Variants in TMEM132D observed in about 807,000 individuals in gnomAD.
TMEM132D encodes mature OL transmembrane protein.
A neutral mutation model predicts 62.3 loss-of-function variants in TMEM132D; 21 were observed. That is an observed-to-expected ratio of 0.34 (90% CI 0.24 to 0.49). The LOEUF (loss-of-function observed/expected upper bound fraction) is 0.49. TMEM132D is among the 20% of genes least tolerant of loss of function. The pLI, the probability that TMEM132D is intolerant of heterozygous loss-of-function variation, is 0.99. For missense variants in TMEM132D, 1,346 were observed against 1,402.8 expected (o/e 0.96, Z 0.65); for synonymous variants, 621 against 575.6 (o/e 1.08, Z -1.13).
chr12:129,232,035 T>C (rs555202670), intron 4 of TMEM132D, among the ~76,000 whole-genome samples: 3 of 152,308 alleles, frequency 2.0e-5, no homozygotes, highest in Non-Finnish European at 4.4e-5. Flanking sequence ...TCAGTGGTTC[T>C]CAAACTTAGC....
intron 2 of TMEM132D, among the ~76,000 whole-genome samples, chr12:129,599,639 T>C (rs1047931440): frequency 1.3e-5 from 2 of 152,202 alleles, no homozygotes; most frequent in African/African-American, 4.8e-5. Flanking sequence ...CATTCAGGCA[T>C]ATTTTCTAGA....
At chr12:129,092,872 C>T (rs1874975594) in intron 5 of TMEM132D, among the ~76,000 whole-genome samples, 1 of 152,186 alleles carries the variant, frequency 6.6e-6, no homozygotes, top group Non-Finnish European at 1.5e-5. Flanking sequence ...AACATTGAAG[C>T]TCAGTGTCCT....
chr12:129,766,495 A>G (rs1870558750), intron 1 of TMEM132D, among the ~76,000 whole-genome samples: 1 of 152,182 alleles, frequency 6.6e-6, no homozygotes, highest in African/African-American at 2.4e-5. Context: ...TCTCTGACAC[A>G]AATATTTTTG....
At chr12:129,546,808 AAAAAG>A (rs1034655411) in intron 2 of TMEM132D, among the ~76,000 whole-genome samples, 2 of 152,102 alleles carry the variant, frequency 1.3e-5, no homozygotes, top group African/African-American at 4.8e-5. Flanking sequence ...CTCAAAAAAA[AAAAAG>A]AAAAGAAAAA....
intron 4 of TMEM132D, among the ~76,000 whole-genome samples, chr12:129,283,359 T>C (rs966379287): frequency 4.6e-5 from 7 of 152,020 alleles, no homozygotes; most frequent in Non-Finnish European, 8.8e-5. Flanking sequence ...GCCCAGCTAA[T>C]TGTTGTATTT....
intron 3 of TMEM132D, among the ~76,000 whole-genome samples, chr12:129,351,225 G>A (rs1869851429): frequency 6.6e-6 from 1 of 152,130 alleles, no homozygotes; most frequent in South Asian, 2.1e-4. Context: ...TATCTCCCAG[G>A]ATGCATCCTC....
chr12:129,623,040 G>A (rs545630899), intron 2 of TMEM132D, among the ~76,000 whole-genome samples: 1 of 152,326 alleles, frequency 6.6e-6, no homozygotes, highest in South Asian at 2.1e-4. Flanking sequence ...AATCAGAGCT[G>A]AGAGGGAGGG....
chr12:129,569,271 G>C (rs1386497836), intron 2 of TMEM132D, among the ~76,000 whole-genome samples: 2 of 152,186 alleles, frequency 1.3e-5, no homozygotes, highest in Non-Finnish European at 2.9e-5. Context: ...TGCACTACAA[G>C]TGCAAAGATG....
At chr12:129,896,140 T>TTTTTG (rs141229938) in intron 1 of TMEM132D, among the ~76,000 whole-genome samples, 3 of 150,516 alleles carry the variant, frequency 2.0e-5, no homozygotes, top group African/African-American at 7.4e-5. Context: ...TGGCTCATTT[T>TTTTTG]TTTTGTTTTG....
At chr12:129,707,181 C>G (rs1881526256) in intron 1 of TMEM132D, among the ~76,000 whole-genome samples, 1 of 147,126 alleles carries the variant, frequency 6.8e-6, no homozygotes, top group Non-Finnish European at 1.5e-5. Context: ...TATACTATAT[C>G]TATAATAACA....
rs140775256 is a variant in TMEM132D at position 129,459,315 on chromosome 12, G to A, written c.1115+71744C>T. Among the ~76,000 whole-genome samples the A allele has an allele frequency of 1.6e-4, 24 of 152,264 alleles. No homozygotes were observed. In the East Asian group the frequency reaches 4.1e-3, roughly 26 times the overall value. On this transcript the variant is annotated intron_variant, in intron 3 of 8. Transcript: ENST00000422113. ...GTTTAGAAAATCTTTCCTCTTCTGCGATGATTTCTTTGGACACACTTAACA... is the reference window on the plus strand; with the variant it reads ...GTTTAGAAAATCTTTCCTCTTCTGCAATGATTTCTTTGGACACACTTAACA...
intron 1 of TMEM132D, among the ~76,000 whole-genome samples, chr12:129,816,514 T>G (rs1872349434): frequency 6.6e-6 from 1 of 152,058 alleles, no homozygotes; most frequent in Non-Finnish European, 1.5e-5. Context: ...GACTAAGTAT[T>G]CATAACAGGA....
intron 4 of TMEM132D, among the ~76,000 whole-genome samples, chr12:129,330,466 C>T (rs955423940): frequency 1.3e-5 from 2 of 152,108 alleles, no homozygotes; most frequent in Admixed American, 1.3e-4. Flanking sequence ...GTGACTGGGC[C>T]GTGAGGGCCC....
intron 3 of TMEM132D, among the ~76,000 whole-genome samples, chr12:129,345,156 G>A (rs927175287): frequency 1.3e-5 from 2 of 151,928 alleles, no homozygotes; most frequent in Non-Finnish European, 2.9e-5. Context: ...TGCCTTATTC[G>A]ACATTTTTGT....
intron 3 of TMEM132D, among the ~76,000 whole-genome samples, chr12:129,376,227 CAT>C (rs560002626): frequency 4.6e-4 from 70 of 152,266 alleles, no homozygotes; most frequent in African/African-American, 1.5e-3. Context: ...CTAATAAAGA[CAT>C]ACCTGAGACT....
chr12:129,432,138 G>C (rs562960605), intron 3 of TMEM132D, among the ~76,000 whole-genome samples: 43 of 146,224 alleles, frequency 2.9e-4, no homozygotes, highest in African/African-American at 9.5e-4. Context: ...TGGATGGATG[G>C]ATGGATGGAT....
chr12:129,476,201 C>G (rs1874251912), intron 3 of TMEM132D, among the ~76,000 whole-genome samples: 2 of 152,214 alleles, frequency 1.3e-5, no homozygotes, highest in Non-Finnish European at 2.9e-5. Context: ...AAAATACCCC[C>G]AGGCATGTGT....
intron 1 of TMEM132D, among the ~76,000 whole-genome samples, chr12:129,882,451 T>TA (rs1874626319): frequency 6.6e-6 from 1 of 152,032 alleles, no homozygotes; most frequent in African/African-American, 2.4e-5. Flanking sequence ...AAAATAAGGA[T>TA]AGTCCAGTAT....
intron 2 of TMEM132D, among the ~76,000 whole-genome samples, chr12:129,566,403 T>C (rs1877369149): frequency 6.6e-6 from 1 of 151,850 alleles, no homozygotes; most frequent in Admixed American, 6.6e-5. Flanking sequence ...CTTCTGAAGT[T>C]AACCTGAAAA....
Sources: allele counts gnomAD v4.1 joint callset (sites outside exome capture counted in the v4.1 genomes callset), GRCh38; gene constraint gnomAD v4.1.1; transcripts MANE v1.5; gene names NCBI Gene and HGNC (gene_info 2026-07-23, HGNC 2026-07-21).